Variants in NEDD4 observed in about 807,000 individuals in gnomAD.
The protein encoded by NEDD4 is E3 ubiquitin-protein ligase NEDD4.
Under a neutral mutation model 144.9 loss-of-function variants are expected in NEDD4, and 99 were observed. The observed-to-expected ratio is 0.68, with a 90% CI of 0.58 to 0.81. The LOEUF (loss-of-function observed/expected upper bound fraction) is 0.81, where lower values mean the gene tolerates loss of function less well. NEDD4 is among the 30% of genes least tolerant of loss of function. The probability of loss-of-function intolerance (pLI) is 0.00; values close to 1 mark genes in which losing one functional copy is unlikely to be tolerated. For missense variants in NEDD4, 985 were observed against 1,065.9 expected, an observed-to-expected ratio of 0.92 and a Z score of 1.06; for synonymous variants, 318 against 350.6, an observed-to-expected ratio of 0.91 and a Z score of 1.04.
At chr15:55,897,220 G>T (rs1025576262) in intron 5 of NEDD4, among the ~76,000 whole-genome samples, 16 of 152,102 alleles carry the variant, frequency 1.1e-4, no homozygotes, top group African/African-American at 3.9e-4. Flanking sequence ...TGATCCGCCC[G>T]CCTCGGCCTC....
intron 17 of NEDD4, among the ~76,000 whole-genome samples, chr15:55,847,354 T>C (rs1274148387): frequency 3.3e-5 from 5 of 152,176 alleles, no homozygotes; most frequent in African/African-American, 1.2e-4. Flanking sequence ...CTAAAGAGAC[T>C]TTCAAAGTGA....
At chr15:55,934,829 C>G (rs1471440990) in intron 4 of NEDD4, 1 of 126,972 alleles carries the variant, frequency 7.9e-6, no homozygotes, top group African/African-American at 2.9e-5. Flanking sequence ...TGGTTTTACA[C>G]AAATAATATA....
At chr15:55,860,289 T>A in intron 11 of NEDD4, 118 bp downstream of exon 11, 1 of 970,854 alleles carries the variant, frequency 1.0e-6, no homozygotes. Flanking sequence ...AGGTCCCTAA[T>A]GTATTATTAC....
chr15:55,957,013 CT>C (rs1446957176), intron 2 of NEDD4, among the ~76,000 whole-genome samples: 1 of 152,126 alleles, frequency 6.6e-6, no homozygotes. Context: ...TATTACAAAT[CT>C]TTTGTTGTAT....
chr15:55,967,136 C>T (rs1346903589), intron 1 of NEDD4, among the ~76,000 whole-genome samples: 2 of 152,220 alleles, frequency 1.3e-5, no homozygotes, highest in African/African-American at 4.8e-5. Context: ...CTGCCTGCCT[C>T]AGCCTCCTAA....
intron 2 of NEDD4, 34 bp downstream of exon 2, chr15:55,966,439 G>C: frequency 7.5e-7 from 1 of 1,336,090 alleles, no homozygotes; most frequent in Non-Finnish European, 1.0e-6. Flanking sequence ...CAAATGCAAA[G>C]TTTTAAAATT....
chr15:55,988,671 G>C (rs62045229), intron 1 of NEDD4, among the ~76,000 whole-genome samples: 9,173 of 152,074 alleles, frequency 0.06, 351 homozygotes, highest in Admixed American at 0.1. Context: ...TGGCATTGTT[G>C]TATCAGTGTC....
At chr15:55,980,937 T>C (rs933641224) in intron 1 of NEDD4, among the ~76,000 whole-genome samples, 13 of 151,800 alleles carry the variant, frequency 8.6e-5, no homozygotes. Flanking sequence ...ATAAACATAA[T>C]ATAGTGATTC....
chr15:55,973,678 T>C (rs7174503), intron 1 of NEDD4, among the ~76,000 whole-genome samples: 22,598 of 152,124 alleles, frequency 0.15, 1,828 homozygotes, highest in East Asian at 0.32. Context: ...CCTGAATGAT[T>C]GGCAGATCAA....
intron 14 of NEDD4, 145 bp downstream of exon 14, chr15:55,850,397 A>G (rs1566909102): frequency 3.9e-6 from 3 of 760,490 alleles, no homozygotes; most frequent in Non-Finnish European, 6.4e-6. Context: ...CTGAATACAA[A>G]TAATATTATT....
chr15:55,906,287 T>G (rs1320831270), intron 5 of NEDD4, among the ~76,000 whole-genome samples: 1 of 152,154 alleles, frequency 6.6e-6, no homozygotes, highest in African/African-American at 2.4e-5. Context: ...ACTGGGTATA[T>G]ACCCAAAGGA....
At chr15:55,968,708 A>G (rs1436558933) in intron 1 of NEDD4, among the ~76,000 whole-genome samples, 1 of 152,216 alleles carries the variant, frequency 6.6e-6, no homozygotes, top group Non-Finnish European at 1.5e-5. Context: ...GGATCATTCT[A>G]AAGAGATGTT....
At position 55,833,054 on chromosome 15, in the gene NEDD4, G is replaced by T. The variant is rs767785731; in HGVS notation, c.2481C>A (p.Val827=). ...SEKRIRLLQF[V]TGTSRVPMNG... is the part of the protein sequence containing the mutation. ...TCATAGGCACCCGAGATGTGCCAGT[G>T]ACAAACTGAAGTAATCTTATTCTTT... Residue 827 remains valine (V), a synonymous_variant, in exon 27 of 29, where the codon GTC becomes GTA. Transcript: ENST00000435532. 6.2e-7 allele frequency: 1 copy of T among 1,613,290 alleles called. No individual in the cohort carries two copies. Among genetic ancestry groups the T allele is most frequent in the South Asian group, 1.1e-5 (1 of 91,028 alleles).
chr15:55,904,597 C>A (rs551209317), intron 5 of NEDD4, among the ~76,000 whole-genome samples: 1 of 152,198 alleles, frequency 6.6e-6, no homozygotes, highest in African/African-American at 2.4e-5. Context: ...GCCACCACAC[C>A]CGGCGTATTT....
At chr15:55,876,843 TTTTC>T in intron 5 of NEDD4, among the ~76,000 whole-genome samples, 1 of 152,230 alleles carries the variant, frequency 6.6e-6, no homozygotes, top group South Asian at 2.1e-4. Flanking sequence ...TATTAAATGT[TTTTC>T]TTTTTTTTTC....
intron 1 of NEDD4, among the ~76,000 whole-genome samples, chr15:55,992,759 A>T (rs2038008254): frequency 6.6e-6 from 1 of 152,242 alleles, no homozygotes; most frequent in South Asian, 2.1e-4. Flanking sequence ...TTAGTTATTT[A>T]GCTGAAAAGA....
intron 2 of NEDD4, among the ~76,000 whole-genome samples, chr15:55,959,694 A>G (rs1468165606): frequency 2.6e-5 from 4 of 152,218 alleles, no homozygotes; most frequent in Admixed American, 2.6e-4. Flanking sequence ...TTGAAGAAGC[A>G]AACTGGCAGC....
At chr15:55,906,988 G>C (rs926061250) in intron 5 of NEDD4, among the ~76,000 whole-genome samples, 3 of 151,862 alleles carry the variant, frequency 2.0e-5, no homozygotes, top group Non-Finnish European at 4.4e-5. Flanking sequence ...CCAGCTGCTC[G>C]GGAGGCCAAG....
chr15:55,838,840 G>A (rs756768859), intron 21 of NEDD4, among the ~76,000 whole-genome samples: 1 of 152,032 alleles, frequency 6.6e-6, no homozygotes, highest in Admixed American at 6.6e-5. Context: ...ATCAATTGGT[G>A]CCTACTTAAA....
Sources: allele counts gnomAD v4.1 joint callset (sites outside exome capture counted in the v4.1 genomes callset), GRCh38; gene constraint gnomAD v4.1.1; transcripts MANE v1.5; gene names NCBI Gene and HGNC (gene_info 2026-07-23, HGNC 2026-07-21).